The following KIAA1217 variants were observed in gnomAD, a reference collection of about 807,000 sequenced individuals.
KIAA1217 encodes the protein sickle tail protein homolog.
A neutral mutation model predicts 163.9 loss-of-function variants in KIAA1217; 88 were observed. The ratio of observed to expected loss-of-function variants is 0.54; its 90% CI spans 0.45 to 0.64. The LOEUF (loss-of-function observed/expected upper bound fraction) is 0.64, where lower values mean the gene tolerates loss of function less well. KIAA1217 is among the 30% of genes least tolerant of loss of function. The pLI is 0.00. For synonymous variants in KIAA1217, 903 were observed against 923.1 expected (o/e 0.98, Z 0.39); for missense variants, 2,372 against 2,475.0 (o/e 0.96, Z 0.88).
chr10:24,380,468 C>T (rs1225443536), intron 2 of KIAA1217, among the ~76,000 whole-genome samples: 1 of 151,930 alleles, frequency 6.6e-6, no homozygotes, highest in Non-Finnish European at 1.5e-5. Flanking sequence ...TGGTGAAACC[C>T]CATCTCTGCT....
intron 2 of KIAA1217, among the ~76,000 whole-genome samples, chr10:24,233,662 G>A (rs550173212): frequency 7.9e-5 from 12 of 152,148 alleles, no homozygotes; most frequent in Admixed American, 2.0e-4. Flanking sequence ...TTTAAATTTC[G>A]CTTAAAGATT....
At chr10:24,391,107 T>G (rs1390818887) in intron 3 of KIAA1217, among the ~76,000 whole-genome samples, 1 of 152,050 alleles carries the variant, frequency 6.6e-6, no homozygotes, top group African/African-American at 2.4e-5. Flanking sequence ...TTCTATGCCT[T>G]TTACCAAAAA....
chr10:24,368,353 G>A (rs905377004), intron 2 of KIAA1217, among the ~76,000 whole-genome samples: 2 of 151,892 alleles, frequency 1.3e-5, no homozygotes, highest in African/African-American at 4.8e-5. Flanking sequence ...TTGCCCAGTG[G>A]GATTTTCCCA....
chr10:24,517,920 G>A (rs927016128), intron 10 of KIAA1217, among the ~76,000 whole-genome samples: 9 of 152,106 alleles, frequency 5.9e-5, no homozygotes, highest in Admixed American at 2.0e-4. Flanking sequence ...ACTTGAACCC[G>A]GGAGACGGAG....
chr10:24,535,660 C>T (rs540713384), intron 16 of KIAA1217, among the ~76,000 whole-genome samples: 1 of 152,252 alleles, frequency 6.6e-6, no homozygotes, highest in African/African-American at 2.4e-5. Flanking sequence ...GCCTGTCATC[C>T]CAGCTACCTG....
chr10:24,387,577 T>G (rs893515295), intron 3 of KIAA1217, among the ~76,000 whole-genome samples: 1 of 152,218 alleles, frequency 6.6e-6, no homozygotes, highest in African/African-American at 2.4e-5. Context: ...GAGAAAGAAA[T>G]AAAGGGTATT....
chr10:24,120,798 T>A (rs1254151961), intron 2 of KIAA1217, among the ~76,000 whole-genome samples: 1 of 152,216 alleles, frequency 6.6e-6, no homozygotes, highest in Non-Finnish European at 1.5e-5. Flanking sequence ...GTAAAGAGAA[T>A]GGTTTGCATT....
At chr10:24,006,921 C>T (rs968025528) in intron 1 of KIAA1217, among the ~76,000 whole-genome samples, 1 of 152,190 alleles carries the variant, frequency 6.6e-6, no homozygotes, top group Admixed American at 6.5e-5. Flanking sequence ...TCCTTCCGCC[C>T]CCAACTACCT....
At chr10:23,857,713 A>G (rs148641701) in intron 1 of KIAA1217, among the ~76,000 whole-genome samples, 48 of 152,304 alleles carry the variant, frequency 3.2e-4, no homozygotes, top group African/African-American at 1.1e-3. Context: ...GTGGAGTGAC[A>G]TCTCTCAACC....
At chr10:23,998,978 T>C (rs1589213751) in intron 1 of KIAA1217, among the ~76,000 whole-genome samples, 2 of 106,248 alleles carry the variant, frequency 1.9e-5, no homozygotes. Context: ...GGATATATAT[T>C]CAAATATGCA....
At chr10:24,490,985 TC>T (rs1367334683) in intron 6 of KIAA1217, among the ~76,000 whole-genome samples, 1 of 152,178 alleles carries the variant, frequency 6.6e-6, no homozygotes, top group Non-Finnish European at 1.5e-5. Flanking sequence ...CAGACTCTTA[TC>T]CCAGACCGTT....
At chr10:24,334,438 T>TGGAAGGATGGAAGGAA (rs2046077402) in intron 2 of KIAA1217, among the ~76,000 whole-genome samples, 1 of 82,202 alleles carries the variant, frequency 1.2e-5, no homozygotes, top group Non-Finnish European at 2.9e-5. Flanking sequence ...GAGGGAAGGA[T>TGGAAGGATGGAAGGAA]GGAAGGAAGG....
At chr10:23,864,391 T>G (rs1840087367) in intron 1 of KIAA1217, among the ~76,000 whole-genome samples, 1 of 152,070 alleles carries the variant, frequency 6.6e-6, no homozygotes, top group Non-Finnish European at 1.5e-5. Context: ...AATTGATCCC[T>G]GTAAAATTTA....
chr10:24,413,089 C>T (rs1346407426), intron 3 of KIAA1217, among the ~76,000 whole-genome samples: 2 of 152,200 alleles, frequency 1.3e-5, no homozygotes, highest in African/African-American at 4.8e-5. Flanking sequence ...TTCTCACCAT[C>T]TCTATCTAAC....
chr10:24,365,889 T>C (rs1471582214), intron 2 of KIAA1217, among the ~76,000 whole-genome samples: 7 of 152,098 alleles, frequency 4.6e-5, no homozygotes, highest in South Asian at 4.2e-4. Context: ...TATACACACA[T>C]ATATATAATC....
At chr10:23,919,628 A>G (rs1362989925) in intron 1 of KIAA1217, among the ~76,000 whole-genome samples, 3 of 151,224 alleles carry the variant, frequency 2.0e-5, no homozygotes, top group Non-Finnish European at 4.4e-5. Context: ...AAAAAAAAAA[A>G]AAAGGCTCTG....
chr10:24,511,929 G>A (rs2069233130), intron 9 of KIAA1217, among the ~76,000 whole-genome samples: 1 of 152,112 alleles, frequency 6.6e-6, no homozygotes. Flanking sequence ...GAGTCTCCAT[G>A]ACCAACCTAC....
At chr10:24,418,283 A>T (rs542181972) in intron 3 of KIAA1217, among the ~76,000 whole-genome samples, 2 of 152,228 alleles carry the variant, frequency 1.3e-5, no homozygotes, top group East Asian at 3.9e-4. Flanking sequence ...TTCCACTTGG[A>T]AAGTAGTTTA....
intron 2 of KIAA1217, among the ~76,000 whole-genome samples, chr10:24,304,721 A>G (rs910594609): frequency 6.6e-6 from 1 of 152,030 alleles, no homozygotes; most frequent in Non-Finnish European, 1.5e-5. Flanking sequence ...ACTTCCTTAC[A>G]CCTGTTTGAT....
Sources: gnomAD v4.1 joint callset for allele counts (sites outside exome capture counted in the v4.1 genomes callset) on GRCh38, gnomAD v4.1.1 for gene constraint, MANE v1.5 for transcripts, NCBI Gene and HGNC (gene_info 2026-07-23, HGNC 2026-07-21) for gene names.